Variants in RCAN2 observed in about 807,000 individuals in gnomAD.
RCAN2 encodes the protein regulator of calcineurin 2.
RCAN2 carries 9 observed loss-of-function variants against 23.6 expected under a neutral mutation model. The observed-to-expected ratio is 0.38, with a 90% confidence interval of 0.23 to 0.67. The LOEUF is 0.67. RCAN2 is among the 30% of genes least tolerant of loss of function. The probability of loss-of-function intolerance (pLI) is 0.51; values close to 1 mark genes in which losing one functional copy is unlikely to be tolerated. For missense variants in RCAN2, 273 were observed against 302.3 expected, an observed-to-expected ratio of 0.90 and a Z score of 0.72; for synonymous variants, 109 against 115.7, an observed-to-expected ratio of 0.94 and a Z score of 0.37.
chr6:46,231,537 G>A (rs1294267655), intron 4 of RCAN2, among the ~76,000 whole-genome samples: 1 of 151,788 alleles, frequency 6.6e-6, no homozygotes, highest in African/African-American at 2.4e-5. Flanking sequence ...AGCCTCCCTA[G>A]TAGCTGGGAT....
intron 2 of RCAN2, among the ~76,000 whole-genome samples, chr6:46,397,036 A>G (rs899687379): frequency 8.8e-5 from 13 of 147,878 alleles, no homozygotes; most frequent in African/African-American, 3.3e-4. Flanking sequence ...TCTTGAACCC[A>G]GGAGGTGGAG....
chr6:46,387,099 A>C (rs1477905515), intron 2 of RCAN2, among the ~76,000 whole-genome samples: 1 of 152,216 alleles, frequency 6.6e-6, no homozygotes, highest in Non-Finnish European at 1.5e-5. Flanking sequence ...ACAAAAATTA[A>C]TTCAAGATGG....
intron 2 of RCAN2, among the ~76,000 whole-genome samples, chr6:46,275,968 G>A (rs1230411175): frequency 6.6e-6 from 1 of 152,204 alleles, no homozygotes. Flanking sequence ...AGCACTTTGG[G>A]AGGCCAAGGG....
At chr6:46,272,453 T>G (rs1767551966) in intron 2 of RCAN2, among the ~76,000 whole-genome samples, 1 of 152,206 alleles carries the variant, frequency 6.6e-6, no homozygotes, top group Non-Finnish European at 1.5e-5. Context: ...ATTGCTGGCC[T>G]CTTGAAATAA....
At chr6:46,444,128 G>A (rs1158216288) in intron 2 of RCAN2, among the ~76,000 whole-genome samples, 6 of 152,192 alleles carry the variant, frequency 3.9e-5, no homozygotes, top group African/African-American at 1.4e-4. Context: ...AGAAGAAAAT[G>A]TAAATGGAGA....
chr6:46,475,517 T>C (rs2150444069), intron 1 of RCAN2, among the ~76,000 whole-genome samples: 1 of 152,264 alleles, frequency 6.6e-6, no homozygotes, highest in African/African-American at 2.4e-5. Flanking sequence ...TGAAGAAGGA[T>C]TTTCCAAGGC....
intron 2 of RCAN2, among the ~76,000 whole-genome samples, chr6:46,455,594 C>T (rs1165466099): frequency 6.6e-6 from 1 of 151,698 alleles, no homozygotes; most frequent in African/African-American, 2.4e-5. Context: ...CAGTGGCTCA[C>T]ACCTGTAATC....
chr6:46,427,868 C>A (rs1204901377), intron 2 of RCAN2, among the ~76,000 whole-genome samples: 1 of 152,220 alleles, frequency 6.6e-6, no homozygotes, highest in Non-Finnish European at 1.5e-5. Context: ...TGATGAGAGC[C>A]TTGATTTACT....
intron 4 of RCAN2, 34 bp from the exon 5 acceptor site, chr6:46,223,335 G>C (rs200157665): frequency 2.5e-6 from 4 of 1,601,640 alleles, no homozygotes; most frequent in Non-Finnish European, 3.4e-6. Context: ...TGAGAAAGAG[G>C]GGGGGATTTC....
intron 2 of RCAN2, among the ~76,000 whole-genome samples, chr6:46,302,772 G>A (rs896615327): frequency 2.6e-4 from 39 of 152,074 alleles, no homozygotes; most frequent in African/African-American, 9.4e-4. Flanking sequence ...GGCTAGGAGA[G>A]AGGCACTGTG....
chr6:46,304,883 G>T (rs149749110), intron 2 of RCAN2, among the ~76,000 whole-genome samples: 327 of 152,220 alleles, frequency 2.1e-3, no homozygotes, highest in African/African-American at 7.4e-3. Context: ...TTACTAGAAC[G>T]GGGGGTGCCC....
intron 4 of RCAN2, among the ~76,000 whole-genome samples, chr6:46,246,187 G>A (rs567490088): frequency 6.6e-5 from 10 of 152,284 alleles, no homozygotes; most frequent in East Asian, 5.8e-4. Flanking sequence ...GCTATACTGC[G>A]TGAGAATGAG....
chr6:46,315,622 G>A (rs1763408956), intron 2 of RCAN2, among the ~76,000 whole-genome samples: 1 of 152,172 alleles, frequency 6.6e-6, no homozygotes, highest in Admixed American at 6.5e-5. Flanking sequence ...GGTCTGATGG[G>A]CCTTGAGGGC....
chr6:46,361,307 C>G (rs1264189341), intron 2 of RCAN2, among the ~76,000 whole-genome samples: 1 of 152,168 alleles, frequency 6.6e-6, no homozygotes, highest in Non-Finnish European at 1.5e-5. Context: ...AGAAGCCCAG[C>G]AGAGTAGCTA....
chr6:46,401,409 A>G (rs1360761179), intron 2 of RCAN2, among the ~76,000 whole-genome samples: 2 of 152,186 alleles, frequency 1.3e-5, no homozygotes, highest in Non-Finnish European at 2.9e-5. Context: ...GTAGAGATTC[A>G]GGTGCCTTCC....
chr6:46,349,755 AT>A (rs1295576733), intron 2 of RCAN2, among the ~76,000 whole-genome samples: 1 of 152,144 alleles, frequency 6.6e-6, no homozygotes. Context: ...GGTTCAAACC[AT>A]CATTTTCTCT....
At chr6:46,327,764 C>T (rs923358955) in intron 2 of RCAN2, among the ~76,000 whole-genome samples, 7 of 152,170 alleles carry the variant, frequency 4.6e-5, no homozygotes, top group African/African-American at 1.4e-4. Context: ...TTTTAGCATT[C>T]GTCAATTTCT....
chr6:46,470,701 G>C (rs1768534302), intron 1 of RCAN2, among the ~76,000 whole-genome samples: 1 of 152,144 alleles, frequency 6.6e-6, no homozygotes, highest in East Asian at 1.9e-4. Flanking sequence ...CTTCCAAATA[G>C]AACTATTGTT....
chr6:46,325,929 T>C, intron 2 of RCAN2: 1 of 978,008 alleles, frequency 1.0e-6, no homozygotes, highest in Non-Finnish European at 1.2e-6. Flanking sequence ...AGTTTCTTCT[T>C]TGAGGTGGGG....
Sources: allele counts gnomAD v4.1 joint callset (sites outside exome capture counted in the v4.1 genomes callset), GRCh38; gene constraint gnomAD v4.1.1; transcripts MANE v1.5; gene names NCBI Gene and HGNC (gene_info 2026-07-23, HGNC 2026-07-21).